DCUN1D4: variants seen among roughly 807,000 people sequenced by gnomAD.
DCUN1D4 encodes the protein defective in cullin neddylation 1 domain containing 4.
A neutral mutation model predicts 47.9 loss-of-function variants in DCUN1D4; 22 were observed. That is an observed-to-expected ratio of 0.46 (90% CI 0.33 to 0.66). The LOEUF (loss-of-function observed/expected upper bound fraction) is 0.66, where lower values mean the gene tolerates loss of function less well. Ranked by LOEUF, DCUN1D4 falls within the 30% of genes least tolerant of loss-of-function variation. The pLI is 0.02. For synonymous variants in DCUN1D4, 121 were observed against 112.2 expected, an observed-to-expected ratio of 1.08 and a Z score of -0.50; for missense variants, 301 against 340.8, an observed-to-expected ratio of 0.88 and a Z score of 0.92.
intron 8 of DCUN1D4, among the ~76,000 whole-genome samples, chr4:51,903,869 G>A (rs1578040164): frequency 6.6e-6 from 1 of 152,108 alleles, no homozygotes; most frequent in Admixed American, 6.5e-5. Flanking sequence ...TCCCCATCAT[G>A]ATAATATTTT....
intron 1 of DCUN1D4, chr4:51,843,644 C>T: frequency 2.4e-6 from 3 of 1,241,144 alleles, no homozygotes; most frequent in Non-Finnish European, 3.0e-6. Flanking sequence ...GGGGGGGTGG[C>T]ACCGGCGGGG....
At chr4:51,885,179 G>T (rs1450549424) in intron 5 of DCUN1D4, among the ~76,000 whole-genome samples, 1 of 152,136 alleles carries the variant, frequency 6.6e-6, no homozygotes, top group African/African-American at 2.4e-5. Context: ...ATGGGATTGC[G>T]TTTGAAGTGG....
chr4:51,877,716 G>T, intron 4 of DCUN1D4, 47 bp from the exon 5 acceptor site: 2 of 1,179,602 alleles, frequency 1.7e-6, no homozygotes, highest in South Asian at 1.3e-5. Flanking sequence ...CTACTTTAAA[G>T]AACTCAGTAT....
At chr4:51,849,607 A>G (rs1723060840) in intron 1 of DCUN1D4, among the ~76,000 whole-genome samples, 1 of 152,120 alleles carries the variant, frequency 6.6e-6, no homozygotes. Flanking sequence ...GGAGGAGGAC[A>G]CAGTCGATAT....
At chr4:51,907,387 T>C (rs375610636) in intron 8 of DCUN1D4, among the ~76,000 whole-genome samples, 1 of 152,236 alleles carries the variant, frequency 6.6e-6, no homozygotes, top group Non-Finnish European at 1.5e-5. Context: ...ATTTCAGATA[T>C]GAGCTTTTTA....
rs567001236 is a variant in DCUN1D4 at position 51,855,404 on chromosome 4, C to G, written c.26-8033C>G. Among the ~76,000 whole-genome samples, 5 of 152,136 alleles carry G rather than the reference C, an allele frequency of 3.3e-5. No individual in the cohort carries two copies. In the South Asian group the frequency reaches 8.3e-4, roughly 25 times the overall value. ...AATTATATTTCAAAGCTTTTAATAT[C>G]AGGAAGTGGTAAGTGCTATGAAAAA... On this transcript the variant is annotated intron_variant, in intron 1 of 10. Coordinates refer to ENST00000334635, the MANE Select transcript of DCUN1D4 (RefSeq NM_001040402.3).
At chr4:51,868,061 G>T (rs1228732080) in intron 3 of DCUN1D4, among the ~76,000 whole-genome samples, 1 of 152,244 alleles carries the variant, frequency 6.6e-6, no homozygotes, top group African/African-American at 2.4e-5. Flanking sequence ...ACCTGGTCAG[G>T]TCACGACAGT....
At position 51,910,947 on chromosome 4, in the gene DCUN1D4, C is replaced by T. The variant is rs1019686847; in HGVS notation, c.616-123C>T. 6.4e-6 allele frequency: 6 copies of T among 938,044 alleles called. No individual in the cohort carries two copies. The African/African-American group carries it at 9.8e-5, about 15-fold the overall frequency. 58.1% of individuals were successfully genotyped at this position (938,044 alleles called of 1,614,324 possible). ...CCTAACCTTAGTCTGGATGCAGGGT[C>T]TTTAAGGTGTATGATAAATGAGCTG... On this transcript the variant is annotated intron_variant, in intron 8 of 10. Transcript: ENST00000334635.
intron 1 of DCUN1D4, among the ~76,000 whole-genome samples, chr4:51,855,275 A>G (rs543263577): frequency 3.3e-5 from 5 of 152,212 alleles, no homozygotes; most frequent in Non-Finnish European, 5.9e-5. Context: ...AATGACTGCT[A>G]ATAAAAAATG....
intron 8 of DCUN1D4, among the ~76,000 whole-genome samples, chr4:51,905,588 A>G (rs1732764273): frequency 6.6e-6 from 1 of 152,204 alleles, no homozygotes; most frequent in African/African-American, 2.4e-5. Flanking sequence ...GGACCTAGTG[A>G]GAACAAGATT....
intron 5 of DCUN1D4, among the ~76,000 whole-genome samples, chr4:51,880,307 G>A (rs558510699): frequency 1.2e-3 from 185 of 152,348 alleles, no homozygotes; most frequent in African/African-American, 4.3e-3. Flanking sequence ...CACGAAGAGG[G>A]CTTGTAAATG....
At chr4:51,843,149 C>T (rs1402576977), upstream of DCUN1D4, 39 of 1,511,520 alleles carry the variant, frequency 2.6e-5, no homozygotes, top group Middle Eastern at 8.6e-4. Flanking sequence ...GGCGGCGGGT[C>T]CTCAGCTTCG....
rs1381040506 is a variant in DCUN1D4 at position 51,913,824 on chromosome 4, A to G, written c.*240A>G. 7 of 457,752 alleles carry G rather than the reference A, an allele frequency of 1.5e-5. No individual in the cohort carries two copies. The highest frequency in any genetic ancestry group is 2.3e-5 in the Non-Finnish European group (6 of 258,278). The allele number at this position is 457,752 out of a possible 1,614,324, so 28.4% of individuals were successfully genotyped here. A position where few individuals can be genotyped will look rare whatever the true frequency, so the allele number is the denominator to read the frequency against. On this transcript the variant is annotated 3_prime_UTR_variant, in exon 11 of 11. Coordinates refer to ENST00000334635, the MANE Select transcript of DCUN1D4 (RefSeq NM_001040402.3). ...GATTGGTGAATTTGCCAACGTCCTCACTGTGATTATGTGTATATTGCTGTT... is the reference window on the plus strand; with the variant it reads ...GATTGGTGAATTTGCCAACGTCCTCGCTGTGATTATGTGTATATTGCTGTT...
chr4:51,837,164 G>GGTGAAA, the DCUN1D4 span, among the ~76,000 whole-genome samples: 6 of 152,150 alleles, frequency 3.9e-5, no homozygotes, highest in African/African-American at 1.4e-4. Flanking sequence ...TGCAGAATAA[G>GGTGAAA]GTGAAAGTAC....
intron 4 of DCUN1D4, among the ~76,000 whole-genome samples, 185 bp downstream of exon 4, chr4:51,874,570 C>T (rs1727396468): frequency 6.6e-6 from 1 of 152,180 alleles, no homozygotes; most frequent in South Asian, 2.1e-4. Context: ...AACGTAAGAA[C>T]AAATTAGGTA....
chr4:51,905,249 A>G (rs1460821236), intron 8 of DCUN1D4: 13 of 451,126 alleles, frequency 2.9e-5, no homozygotes, highest in South Asian at 1.4e-4. Context: ...AGGCCTGTCA[A>G]TGTAGGATGA....
At chr4:51,845,930 A>T (rs966987687) in intron 1 of DCUN1D4, among the ~76,000 whole-genome samples, 3 of 152,240 alleles carry the variant, frequency 2.0e-5, no homozygotes, top group Admixed American at 6.5e-5. Context: ...AATATCCAGG[A>T]AACTCTTGGT....
At chr4:51,871,107 A>T (rs1726817841) in intron 3 of DCUN1D4, among the ~76,000 whole-genome samples, 1 of 149,840 alleles carries the variant, frequency 6.7e-6, no homozygotes, top group South Asian at 2.1e-4. Context: ...TCACTTGCTT[A>T]CACTGATGAT....
rs745489867 is a variant in DCUN1D4 at position 51,913,362 on chromosome 4, G to T, written c.793G>T (p.Asp265Tyr). The T allele has an allele frequency of 6.2e-7, 1 of 1,612,644 alleles. No individual in the cohort carries two copies. The highest frequency in any genetic ancestry group is 8.5e-7 in the Non-Finnish European group (1 of 1,179,046). Residue 265 changes from aspartate to tyrosine, a missense_variant, in exon 10 of 11, where the codon GAC (aspartate) becomes TAC (tyrosine). Transcript: ENST00000334635. The part of the protein sequence containing the change: ...VLEFSRTINL[D>Y]LSNYDEDGAW... ...AGAGTTTAGCAGAACAATTAATCTT[G>T]ACCTCAGCAACTATGATGAAGATGG...
Sources: gnomAD v4.1 joint callset for allele counts (sites outside exome capture counted in the v4.1 genomes callset) on GRCh38, gnomAD v4.1.1 for gene constraint, MANE v1.5 for transcripts, NCBI Gene and HGNC (gene_info 2026-07-23, HGNC 2026-07-21) for gene names.